SATB1: variants seen among roughly 807,000 people sequenced by gnomAD.
SATB1 encodes DNA-binding protein SATB1.
Under a neutral mutation model 86.9 loss-of-function variants are expected in SATB1, and 11 were observed. That is an observed-to-expected ratio of 0.13 (90% confidence interval 0.08 to 0.21). The LOEUF is 0.21. Among genes scored for constraint, SATB1 ranks in the 10% least tolerant of loss-of-function variants. SATB1 has a pLI of 1.00. For synonymous variants in SATB1, 357 were observed against 357.2 expected, an observed-to-expected ratio of 1.00 and a Z score of 0.01; for missense variants, 551 against 937.6, an observed-to-expected ratio of 0.59 and a Z score of 5.39.
rs997348963 is a variant in SATB1, at chr3:18,347,827, A to G, written c.*1343T>C. ...TTTACAGTGTTTCAAGTAACTTGTC[A>G]ATTGCTCTTTTTAAAATCAGTGAAA... On this transcript the variant is annotated 3_prime_UTR_variant, in exon 11 of 11. Transcript: ENST00000338745. The G allele has an allele frequency of 3.3e-5, 5 of 152,212 alleles. No individual in the cohort carries two copies. Among genetic ancestry groups the G allele is most frequent in the African/African-American group, 7.2e-5 (3 of 41,462 alleles). 9.4% of individuals were successfully genotyped at this position (152,212 alleles called of 1,614,324 possible). A position where few individuals can be genotyped will look rare whatever the true frequency, so the allele number is the denominator to read the frequency against.
At chr3:18,445,308 C>T in intron 1 of SATB1, 2 of 985,092 alleles carry the variant, frequency 2.0e-6, no homozygotes, top group Non-Finnish European at 2.4e-6. Flanking sequence ...GCCGCCGCCG[C>T]TGCTGCGCAC....
chr3:18,443,482 CTT>C (rs1174108437), upstream of SATB1, among the ~76,000 whole-genome samples: 1 of 152,228 alleles, frequency 6.6e-6, no homozygotes, highest in Non-Finnish European at 1.5e-5. This position sits in a 1 kb window ranked among gnomAD's most constrained non-coding sequence, Gnocchi z 4.4. Flanking sequence ...AACCAGGACA[CTT>C]TGAGAGAGGA....
At position 18,444,511 on chromosome 3, in the gene SATB1, C is replaced by G; in HGVS notation, c.-25+1007G>C. On this transcript the variant is annotated intron_variant, in intron 1 of 3. Coordinates refer to the SATB1 transcript ENST00000415069. This position sits in a 1 kb window ranked among gnomAD's most constrained non-coding sequence, Gnocchi z 5.1. ...CCCAATAGGGGACGAGGAGTGGGTG[C>G]TACGGAGAAGTTTGGATTGATTCCG... 2.2e-6 allele frequency: 2 copies of G among 898,368 alleles called. No homozygotes were observed. Among genetic ancestry groups the G allele is most frequent in the Non-Finnish European group, 2.7e-6 (2 of 750,570 alleles). 55.6% of individuals were successfully genotyped at this position (898,368 alleles called of 1,614,324 possible).
chr3:18,420,969 C>G lies in SATB1; in HGVS notation c.-2G>C. 6.2e-7 allele frequency: 1 copy of G among 1,613,984 alleles called. No individual in the cohort carries two copies. The highest frequency in any genetic ancestry group is 8.5e-7 in the Non-Finnish European group (1 of 1,179,862). On this transcript the variant is annotated 5_prime_UTR_variant, in exon 2 of 11. Transcript: ENST00000338745. ...AGTTGCCTCGTTCAAATGATCCATA[C>G]TCAGTCACTGTCTAAAGATCACCTG...
intron 7 of SATB1, among the ~76,000 whole-genome samples, chr3:18,392,529 C>A (rs1170368772): frequency 6.6e-6 from 1 of 151,666 alleles, no homozygotes; most frequent in Admixed American, 6.6e-5. Flanking sequence ...TTTAAGACAC[C>A]AGTAACTATA....
intron 10 of SATB1, chr3:18,350,869 A>C (rs1694324395): frequency 8.1e-6 from 2 of 246,530 alleles, no homozygotes; most frequent in Non-Finnish European, 1.6e-5. Context: ...GCACACACAT[A>C]TATATAATTT....
chr3:18,412,117 T>C (rs765285016), intron 5 of SATB1, among the ~76,000 whole-genome samples: 6 of 151,986 alleles, frequency 3.9e-5, no homozygotes, highest in African/African-American at 2.4e-5. Flanking sequence ...ATCAGCACTT[T>C]AAAATTTATT....
chr3:18,367,130 G>T lies in SATB1; in HGVS notation c.1575+11040C>A, dbSNP rs73176001. On this transcript the variant is annotated intron_variant, in intron 9 of 10. Coordinates refer to ENST00000338745, the MANE Select transcript of SATB1 (RefSeq NM_002971.6). Reference sequence around the variant, plus strand: ...GGGACTACACAGCAGGTTAGCAGTGGAACTGGGACTACCACTCTTTGCAGT... The same window carrying T: ...GGGACTACACAGCAGGTTAGCAGTGTAACTGGGACTACCACTCTTTGCAGT... Among the ~76,000 whole-genome samples the T allele has an allele frequency of 4.9e-3, 740 of 152,270 alleles. 6 individuals are homozygous for T. The highest frequency in any genetic ancestry group is 0.017 in the African/African-American group (707 of 41,550).
chr3:18,372,866 T>C (rs1446397352), intron 9 of SATB1, among the ~76,000 whole-genome samples: 2 of 152,182 alleles, frequency 1.3e-5, no homozygotes, highest in African/African-American at 2.4e-5. Context: ...TGGCCACTAA[T>C]ATAGAACACC....
At chr3:18,417,186 ATT>A in intron 2 of SATB1, 108 bp from the exon 3 acceptor site, 2 of 1,131,128 alleles carry the variant, frequency 1.8e-6, no homozygotes, top group Non-Finnish European at 2.6e-6. Context: ...ATCACAAGAG[ATT>A]CACTGTGCTT....
chr3:18,378,512 C>A (rs1695878047), intron 8 of SATB1, among the ~76,000 whole-genome samples, 187 bp from the exon 9 acceptor site: 1 of 152,148 alleles, frequency 6.6e-6, no homozygotes. Context: ...CACATTGTCA[C>A]AGGTGATTGC....
At chr3:18,441,471 G>T (rs1477280000), upstream of SATB1, among the ~76,000 whole-genome samples, 1 of 152,138 alleles carries the variant, frequency 6.6e-6, no homozygotes, top group Non-Finnish European at 1.5e-5. Flanking sequence ...ATAGTCTGAA[G>T]ATTGCTTTAG....
Position 18,394,548 on chromosome 3 carries a change from C to T in SATB1, c.1120G>A (p.Glu374Lys), listed in dbSNP as rs548597280. ...QVSTNTEVSSEIYQWVRDELK... is the reference protein window; with the variant it reads ...QVSTNTEVSSKIYQWVRDELK... ...TCATCGCGTACCCACTGGTAGATTT[C>T]GGAAGACACCTCTGTGTTGGTCGAA... Residue 374 changes from glutamate (E) to lysine (K), a missense_variant, in exon 7 of 11, where the codon GAA (glutamate) becomes AAA (lysine). Glu to Lys is a moderately conservative substitution (Grantham distance 56, BLOSUM62 1). Around this residue, in one of 8 missense-constraint regions of SATB1, gnomAD observed 119 missense variants for 171.1 expected, o/e 0.70. Coordinates refer to ENST00000338745, the MANE Select transcript of SATB1 (RefSeq NM_002971.6). This position sits in a 1 kb window ranked among gnomAD's most constrained non-coding sequence, Gnocchi z 5.9. The T allele has an allele frequency of 3.1e-6, 5 of 1,614,162 alleles. No individual in the cohort carries two copies. The highest frequency in any genetic ancestry group is 1.3e-5 in the African/African-American group (1 of 75,034).
intron 1 of SATB1, chr3:18,445,131 C>T: frequency 1.2e-6 from 1 of 803,352 alleles, no homozygotes; most frequent in African/African-American, 1.9e-5. Context: ...CCCGCGTAGC[C>T]GCCGCTTCGG....
At chr3:18,359,443 A>T (rs1694802979) in intron 9 of SATB1, among the ~76,000 whole-genome samples, 1 of 152,082 alleles carries the variant, frequency 6.6e-6, no homozygotes, top group Non-Finnish European at 1.5e-5. Flanking sequence ...ACCAGTTAGC[A>T]AAAAGAGGAG....
chr3:18,386,315 C>G lies in SATB1; in HGVS notation c.1419+84G>C. 1 of 1,015,524 alleles carries G rather than the reference C, an allele frequency of 9.8e-7. No homozygotes were observed. Among genetic ancestry groups the G allele is most frequent in the Non-Finnish European group, 1.5e-6 (1 of 668,736 alleles). 62.9% of individuals were successfully genotyped at this position (1,015,524 alleles called of 1,614,324 possible). On this transcript the variant is annotated intron_variant, in intron 8 of 10. Coordinates refer to ENST00000338745, the MANE Select transcript of SATB1 (RefSeq NM_002971.6). This position sits in a 1 kb window ranked among gnomAD's most constrained non-coding sequence, Gnocchi z 4.5. ...AAAACATATAAATCTATGTATCTATCTATCTAATTTCTTATTGAGATTCTT... is the reference window on the plus strand; with the variant it reads ...AAAACATATAAATCTATGTATCTATGTATCTAATTTCTTATTGAGATTCTT...
upstream of SATB1, among the ~76,000 whole-genome samples, chr3:18,442,174 C>T (rs1449761071): frequency 1.3e-5 from 2 of 152,030 alleles, no homozygotes; most frequent in East Asian, 1.9e-4. Context: ...ATCTTCCCCC[C>T]GCCCCCCATC....
chr3:18,434,887 A>C (rs1184831534), intron 2 of SATB1: 3 of 152,128 alleles, frequency 2.0e-5, no homozygotes, highest in African/African-American at 7.2e-5. Flanking sequence ...ATAACCGCTA[A>C]GGCAAAGAGA....
In SATB1 at chr3:18,421,083, T is replaced by G. The variant is rs1575170562; in HGVS notation, c.-24-92A>C. The G allele has an allele frequency of 1.0e-5, 8 of 783,374 alleles. No homozygotes were observed. In the East Asian group the frequency reaches 1.5e-4, roughly 15 times the overall value. 48.5% of individuals were successfully genotyped at this position (783,374 alleles called of 1,614,324 possible). A position where few individuals can be genotyped will look rare whatever the true frequency, so the allele number is the denominator to read the frequency against. ...TGTAAATGTTTTAGCTCTAGATATC[T>G]CTCCACAAATATAATGTATTTGTAA... is the stretch of plus-strand genomic sequence containing the variant. On this transcript the variant is annotated intron_variant, in intron 1 of 10. Coordinates refer to ENST00000338745, the MANE Select transcript of SATB1 (RefSeq NM_002971.6).
Sources: allele counts gnomAD v4.1 joint callset (sites outside exome capture counted in the v4.1 genomes callset), GRCh38; gene constraint gnomAD v4.1.1; regional missense constraint gnomAD v4.1.1; non-coding constraint Gnocchi (gnomAD v3.1); transcripts MANE v1.5; gene names NCBI Gene and HGNC (gene_info 2026-07-23, HGNC 2026-07-21).